Variants in RASGRP1 observed in about 807,000 individuals in gnomAD.
RASGRP1 encodes the protein RAS guanyl-releasing protein 1.
A neutral mutation model predicts 95.1 loss-of-function variants in RASGRP1; 37 were observed. That is an observed-to-expected ratio of 0.39 (90% confidence interval 0.30 to 0.51). The LOEUF (loss-of-function observed/expected upper bound fraction) is 0.51, where lower values mean the gene tolerates loss of function less well. Ranked by LOEUF, RASGRP1 falls within the 20% of genes least tolerant of loss-of-function variation. The pLI is 0.80. For synonymous variants in RASGRP1, 325 were observed against 353.4 expected (o/e 0.92, Z 0.90); for missense variants, 711 against 965.4 (o/e 0.74, Z 3.49).
chr15:38,531,645 T>C (rs1892442844), intron 2 of RASGRP1, among the ~76,000 whole-genome samples: 1 of 152,168 alleles, frequency 6.6e-6, no homozygotes, highest in Non-Finnish European at 1.5e-5. Flanking sequence ...AATCCTCACA[T>C]GGTCTCTGTG....
intron 8 of RASGRP1, among the ~76,000 whole-genome samples, chr15:38,509,130 TCTTA>T (rs1409133215): frequency 2.0e-5 from 3 of 152,216 alleles, no homozygotes. Flanking sequence ...TGAAATTCCT[TCTTA>T]CTTAGATCTT....
chr15:38,528,451 T>TA (rs1892314677), intron 2 of RASGRP1, among the ~76,000 whole-genome samples: 2 of 152,296 alleles, frequency 1.3e-5, no homozygotes, highest in Non-Finnish European at 2.9e-5. Flanking sequence ...ATCCAGCAGT[T>TA]ACTCCTTGAT....
At chr15:38,538,919 C>T (rs749135350) in intron 2 of RASGRP1, among the ~76,000 whole-genome samples, 1 of 152,188 alleles carries the variant, frequency 6.6e-6, no homozygotes, top group Non-Finnish European at 1.5e-5. Context: ...ACAGTTGTCA[C>T]GTAGGCACAT....
At chr15:38,543,561 C>CTTTTT (rs1312763434) in intron 2 of RASGRP1, among the ~76,000 whole-genome samples, 3 of 60,630 alleles carry the variant, frequency 4.9e-5, no homozygotes, top group Admixed American at 1.8e-4. Context: ...AAACTCTAGT[C>CTTTTT]TTTTTTTTTT....
At chr15:38,546,563 A>T (rs969166384) in intron 2 of RASGRP1, among the ~76,000 whole-genome samples, 8 of 152,116 alleles carry the variant, frequency 5.3e-5, no homozygotes, top group Non-Finnish European at 2.9e-5. Flanking sequence ...TGCTTACTTC[A>T]CGACAATCCA....
At chr15:38,551,029 CTG>C (rs941149091) in intron 2 of RASGRP1, among the ~76,000 whole-genome samples, 40 of 152,234 alleles carry the variant, frequency 2.6e-4, no homozygotes, top group African/African-American at 8.7e-4. Context: ...AACATAAACA[CTG>C]TGTTATTCAT....
intron 9 of RASGRP1, among the ~76,000 whole-genome samples, chr15:38,506,503 C>T (rs574460134): frequency 3.9e-5 from 6 of 151,982 alleles, no homozygotes; most frequent in Non-Finnish European, 4.4e-5. Flanking sequence ...GGCGTGGTGG[C>T]GTGTGCCCGT....
chr15:38,553,741 G>A (rs966003458), intron 2 of RASGRP1, among the ~76,000 whole-genome samples: 1 of 152,232 alleles, frequency 6.6e-6, no homozygotes, highest in Non-Finnish European at 1.5e-5. Context: ...CAGTTGAGAA[G>A]AGATAGGAAT....
At chr15:38,550,275 A>G (rs561755905) in intron 2 of RASGRP1, among the ~76,000 whole-genome samples, 3 of 151,876 alleles carry the variant, frequency 2.0e-5, no homozygotes, top group Non-Finnish European at 4.4e-5. Flanking sequence ...GAAAAGAAAA[A>G]AAAGTTAATA....
intron 1 of RASGRP1, 125 bp downstream of exon 1, chr15:38,564,469 G>T: frequency 1.1e-6 from 1 of 943,780 alleles, no homozygotes. Flanking sequence ...GGTGTCCCGG[G>T]ACTCCGGCCG....
At chr15:38,548,461 C>T (rs1384368475) in intron 2 of RASGRP1, among the ~76,000 whole-genome samples, 2 of 152,112 alleles carry the variant, frequency 1.3e-5, no homozygotes, top group Non-Finnish European at 2.9e-5. Context: ...ATAGTCCCAG[C>T]TACTCAGAAG....
At chr15:38,539,701 C>T (rs8036551) in intron 2 of RASGRP1, among the ~76,000 whole-genome samples, 2,372 of 152,210 alleles carry the variant, frequency 0.016, 64 homozygotes, top group African/African-American at 0.054. Flanking sequence ...AGGTATATCT[C>T]CCAATGCTAT....
intron 2 of RASGRP1, among the ~76,000 whole-genome samples, chr15:38,542,891 ATGTGTATATATATACACATATATATG>A (rs1566933501): frequency 2.2e-5 from 3 of 134,176 alleles, no homozygotes; most frequent in African/African-American, 8.1e-5. Context: ...ATACACATAT[ATGTGTATATATATACACATATATATG>A]TGTGTATATA....
At chr15:38,503,230 G>A in intron 11 of RASGRP1, 42 bp downstream of exon 11, 1 of 1,485,498 alleles carries the variant, frequency 6.7e-7, no homozygotes, top group Non-Finnish European at 9.3e-7. Flanking sequence ...AACTGAGCCA[G>A]GCAATGCCTA....
chr15:38,498,992 C>CT, intron 14 of RASGRP1, 46 bp from the exon 15 acceptor site: 1 of 1,613,240 alleles, frequency 6.2e-7, no homozygotes, highest in Non-Finnish European at 8.5e-7. Flanking sequence ...ACTTTTCTCT[C>CT]TTCCCCAGTG....
rs201076575 is a variant in RASGRP1, at chr15:38,494,660, A to C, written c.1981T>G (p.Ser661Ala). The C allele has an allele frequency of 5.1e-4, 796 of 1,548,518 alleles. No homozygotes were observed. Among genetic ancestry groups the C allele is most frequent in the Non-Finnish European group, 6.4e-4 (735 of 1,153,650 alleles). The stretch of plus-strand genomic sequence containing the variant: ...GCAACAGCCCTCTTCAGCCGAAGAG[A>C]AATCTTCTGTGAGGACACTCCCATC... Reference protein sequence around the residue: ...MLMGVSSQKISLRLKRAVAHK... With the variant: ...MLMGVSSQKIALRLKRAVAHK... The change falls in exon 16 of 17, where the codon TCT becomes GCT. Residue 661 changes from serine to alanine, a missense_variant. Physicochemically the swap from Ser to Ala is moderately conservative, Grantham distance 99. This residue lies in a region of RASGRP1 where 212 missense variants were observed against 247.8 expected (regional missense o/e 0.86). Transcript: ENST00000310803.
chr15:38,547,845 C>CTG (rs990259867), intron 2 of RASGRP1, among the ~76,000 whole-genome samples: 5 of 151,972 alleles, frequency 3.3e-5, no homozygotes, highest in East Asian at 1.9e-4. Context: ...CTGCTCAAAA[C>CTG]TGTGTGTGTG....
rs1015936473 is a variant in RASGRP1 at position 38,488,941 on chromosome 15, A to G, written c.*1613T>C. ...ATACGTGTGTAAAACTATTCTTTAT[A>G]ATGTAATGAAACACTAACTACAAGC... On this transcript the variant is annotated 3_prime_UTR_variant, in exon 17 of 17. Transcript: ENST00000310803. 1.3e-5 allele frequency: 2 copies of G among 151,990 alleles called. No individual in the cohort carries two copies. Among genetic ancestry groups the G allele is most frequent in the Non-Finnish European group, 2.9e-5 (2 of 67,862 alleles). The allele number at this position is 151,990 out of a possible 1,614,324, so 9.4% of individuals were successfully genotyped here.
At chr15:38,504,865 C>G (rs1891191203) in intron 10 of RASGRP1, 1 of 152,124 alleles carries the variant, frequency 6.6e-6, no homozygotes, top group Admixed American at 6.6e-5. Context: ...TTTTTCTGCT[C>G]CATTATAATC....
Sources: gnomAD v4.1 joint callset for allele counts (sites outside exome capture counted in the v4.1 genomes callset) on GRCh38, gnomAD v4.1.1 for gene constraint, gnomAD v4.1.1 regional missense constraint, MANE v1.5 for transcripts, NCBI Gene and HGNC (gene_info 2026-07-23, HGNC 2026-07-21) for gene names.